SRGAP3: variants seen among roughly 807,000 people sequenced by gnomAD.
SRGAP3 encodes SLIT-ROBO Rho GTPase activating protein 3, also known as SLIT-ROBO Rho GTPase-activating protein 3.
SRGAP3 carries 39 observed loss-of-function variants against 121.1 expected under a neutral mutation model. The observed-to-expected ratio is 0.32, with a 90% CI of 0.25 to 0.42. The LOEUF (loss-of-function observed/expected upper bound fraction) is 0.42, where lower values mean the gene tolerates loss of function less well. Among genes scored for constraint, SRGAP3 ranks in the 10% least tolerant of loss-of-function variants. The pLI is 1.00. For missense variants in SRGAP3, 1,213 were observed against 1,470.6 expected (o/e 0.82, Z 2.86); for synonymous variants, 601 against 570.0 (o/e 1.05, Z -0.77).
chr3:9,234,428 A>C (rs539316115), intron 1 of SRGAP3, among the ~76,000 whole-genome samples: 7 of 152,204 alleles, frequency 4.6e-5, no homozygotes, highest in Admixed American at 2.0e-4. Context: ...AGTACAAATT[A>C]AATCACAGAC....
At chr3:9,020,030 T>G (rs17798894) in intron 14 of SRGAP3, among the ~76,000 whole-genome samples, 22,976 of 152,226 alleles carry the variant, frequency 0.15, 2,199 homozygotes, top group Non-Finnish European at 0.22. Context: ...CTCCTAACCC[T>G]TACAACAGCA....
At chr3:9,314,331 G>T (rs1955306317) in intron 3 of SRGAP3, among the ~76,000 whole-genome samples, 1 of 151,766 alleles carries the variant, frequency 6.6e-6, no homozygotes, top group Non-Finnish European at 1.5e-5. Flanking sequence ...CAAGCTGAGA[G>T]TATCACTTGA....
chr3:9,141,551 GGGGTGTGTGT>G lies in SRGAP3; in HGVS notation c.68-16644_68-16635del, dbSNP rs1258440145. 8.1e-3 allele frequency among the ~76,000 whole-genome samples: 956 copies of G among 117,622 alleles called. 11 individuals carry two copies. Among genetic ancestry groups the G allele is most frequent in the African/African-American group, 0.036 (896 of 24,690 alleles). The allele number at this position is 117,622 out of a possible 152,430, so 77.2% of individuals were successfully genotyped here. ...AAGAAACAAGAAGGATCTGACTTCA[GGGGTGTGTGT>G]GTGTGTGTGTGTGTGTGTGTGTGTG... On this transcript the variant is annotated intron_variant, in intron 1 of 21. Transcript: ENST00000383836.
chr3:9,144,045 C>G (rs1342573687), intron 1 of SRGAP3, among the ~76,000 whole-genome samples: 1 of 152,014 alleles, frequency 6.6e-6, no homozygotes, highest in African/African-American at 2.4e-5. Flanking sequence ...CCCCACATCA[C>G]TTTTCCCCCC....
Position 9,349,090 on chromosome 3 carries a change from T to G in SRGAP3, n.214+13750A>C, listed in dbSNP as rs562410915. ...TGCCCACTGGTATTCCCGTTGTCTA[T>G]GAATTGGACAAGAACTTGAAACCCA... On this transcript the variant is annotated intron_variant and non_coding_transcript_variant, in intron 1 of 3. Coordinates refer to the SRGAP3 transcript ENST00000490889. 3.3e-6 allele frequency: 3 copies of G among 916,228 alleles called. No homozygotes were observed. In the South Asian group the frequency reaches 3.9e-5, roughly 12 times the overall value. The allele number at this position is 916,228 out of a possible 1,614,324, so 56.8% of individuals were successfully genotyped here.
intron 1 of SRGAP3, among the ~76,000 whole-genome samples, chr3:9,162,224 G>C: frequency 6.6e-6 from 1 of 152,166 alleles, no homozygotes; most frequent in East Asian, 1.9e-4. Context: ...GTAGGTGACA[G>C]TTGCACAAGA....
intron 12 of SRGAP3, 71 bp from the exon 13 acceptor site, chr3:9,027,066 C>A: frequency 7.2e-7 from 1 of 1,380,440 alleles, no homozygotes; most frequent in Non-Finnish European, 1.0e-6. Context: ...TTGCAAACAC[C>A]GATTACAGAC....
chr3:9,305,305 C>T (rs1239435370), intron 3 of SRGAP3, among the ~76,000 whole-genome samples: 6 of 148,610 alleles, frequency 4.0e-5, no homozygotes, highest in South Asian at 2.1e-4. Flanking sequence ...TCCACGCGAA[C>T]GCTGCGGTGT....
chr3:9,002,888 TAAG>T (rs1942847843), intron 18 of SRGAP3, among the ~76,000 whole-genome samples: 1 of 151,376 alleles, frequency 6.6e-6, no homozygotes, highest in Non-Finnish European at 1.5e-5. Flanking sequence ...GAAACTGACT[TAAG>T]AAGAAAAAAA....
chr3:8,996,278 T>A (rs933777092), intron 18 of SRGAP3, among the ~76,000 whole-genome samples: 1 of 99,350 alleles, frequency 1.0e-5, no homozygotes, highest in Admixed American at 1.0e-4. Flanking sequence ...GGGCCACGGA[T>A]GGCATGGAAA....
intron 4 of SRGAP3, among the ~76,000 whole-genome samples, chr3:9,078,563 T>C (rs1337006531): frequency 6.6e-6 from 1 of 152,118 alleles, no homozygotes; most frequent in Non-Finnish European, 1.5e-5. Flanking sequence ...TACAGAATGC[T>C]CTTTTTTTCT....
Position 9,104,665 on chromosome 3 carries a change from A to T in SRGAP3, c.423+15T>A. 1 of 1,614,010 alleles carries T rather than the reference A, an allele frequency of 6.2e-7. No homozygotes were observed. The highest frequency in any genetic ancestry group is 8.5e-7 in the Non-Finnish European group (1 of 1,179,918). The stretch of plus-strand genomic sequence containing the variant: ...GGCAAAGACCTGGGACACGTAGAGC[A>T]GCCCACTTGCCTACCTTTTTGAAGA... On this transcript the variant is annotated intron_variant, in intron 3 of 21. Coordinates refer to ENST00000383836, the MANE Select transcript of SRGAP3 (RefSeq NM_014850.4).
At position 8,997,887 on chromosome 3, in the gene SRGAP3, T is replaced by C. The variant is rs1268440311; in HGVS notation, c.2228-3364A>G. ...ATAAATATTCATAGAGGTTTTTTTT[T>C]TTCTTTTTCTTGAGACAGGGTCTCA... On this transcript the variant is annotated intron_variant, in intron 18 of 21. Coordinates refer to ENST00000383836, the MANE Select transcript of SRGAP3 (RefSeq NM_014850.4). 2.6e-5 allele frequency among the ~76,000 whole-genome samples: 4 copies of C among 151,692 alleles called. No homozygotes were observed. In the East Asian group the frequency reaches 7.8e-4, roughly 29 times the overall value.
At chr3:9,144,165 A>G (rs909775554) in intron 1 of SRGAP3, among the ~76,000 whole-genome samples, 10 of 152,204 alleles carry the variant, frequency 6.6e-5, no homozygotes, top group African/African-American at 2.2e-4. Context: ...AACCTCTTCA[A>G]TGGATCATGG....
chr3:8,996,827 T>A (rs1942429429), intron 18 of SRGAP3, among the ~76,000 whole-genome samples: 1 of 152,188 alleles, frequency 6.6e-6, no homozygotes, highest in Non-Finnish European at 1.5e-5. Context: ...GCCCAGGGAC[T>A]TCCTCTGACC....
intron 18 of SRGAP3, among the ~76,000 whole-genome samples, chr3:8,997,396 G>C (rs562203439): frequency 6.6e-6 from 1 of 152,234 alleles, no homozygotes; most frequent in African/African-American, 2.4e-5. Flanking sequence ...TACTTGCTTA[G>C]GTAGAGCCGC....
intron 3 of SRGAP3, among the ~76,000 whole-genome samples, chr3:9,082,940 G>A (rs1162393): frequency 0.38 from 57,333 of 152,040 alleles, 11,210 homozygotes; most frequent in Non-Finnish European, 0.44. Flanking sequence ...AGAAACCTCG[G>A]AGGCAATTCC....
chr3:9,255,215 C>T (rs1954105937), intron 3 of SRGAP3, among the ~76,000 whole-genome samples: 1 of 152,104 alleles, frequency 6.6e-6, no homozygotes, highest in Non-Finnish European at 1.5e-5. Flanking sequence ...AGAATAATGC[C>T]AACCACCCAG....
At chr3:9,312,054 T>G (rs1955257366) in intron 3 of SRGAP3, among the ~76,000 whole-genome samples, 2 of 152,278 alleles carry the variant, frequency 1.3e-5, no homozygotes, top group South Asian at 2.1e-4. Flanking sequence ...CAATCGTCTG[T>G]GCATGTGGGC....
Sources: allele counts gnomAD v4.1 joint callset (sites outside exome capture counted in the v4.1 genomes callset), GRCh38; gene constraint gnomAD v4.1.1; transcripts MANE v1.5; gene names NCBI Gene and HGNC (gene_info 2026-07-23, HGNC 2026-07-21).